OCLN: variants seen among roughly 807,000 people sequenced by gnomAD.
OCLN encodes phosphatase 1, regulatory subunit 115.
A neutral mutation model predicts 47.9 loss-of-function variants in OCLN; 21 were observed. The observed-to-expected ratio is 0.44, with a 90% CI of 0.31 to 0.63. The LOEUF is 0.63. Ranked by LOEUF, OCLN falls within the 30% of genes least tolerant of loss-of-function variation. The pLI is 0.08. For missense variants in OCLN, 360 were observed against 571.0 expected (o/e 0.63, Z 3.77); for synonymous variants, 117 against 198.4 (o/e 0.59, Z 3.45).
At chr5:69,498,174 C>G (rs957304975) in intron 1 of OCLN, among the ~76,000 whole-genome samples, 2 of 151,980 alleles carry the variant, frequency 1.3e-5, no homozygotes, top group African/African-American at 4.8e-5. Context: ...CTCCTCTATA[C>G]TGTACTATGG....
chr5:69,515,226 G>A (rs1332778029), intron 4 of OCLN, among the ~76,000 whole-genome samples: 8 of 146,888 alleles, frequency 5.4e-5, no homozygotes, highest in Non-Finnish European at 1.1e-4. Context: ...CAGTAGGGGC[G>A]GCCGGGCAGA....
chr5:69,533,415 A>G (rs562804045), intron 4 of OCLN, among the ~76,000 whole-genome samples: 7 of 152,280 alleles, frequency 4.6e-5, no homozygotes, highest in South Asian at 4.1e-4. Flanking sequence ...AAAGTTGTTC[A>G]TCAGGAATTC....
rs1768193895 is a variant in OCLN, at chr5:69,493,280, A to G, written c.-69+380A>G. On this transcript the variant is annotated intron_variant, in intron 1 of 8. Transcript: ENST00000396442. The surrounding 1 kb of genome is among the most constrained non-coding windows in gnomAD (Gnocchi z 5.3). The stretch of plus-strand genomic sequence containing the variant: ...GCTGCAGTTTGGGGGGGCGGCCTTC[A>G]TGGAGAGGGATCCTGCGCCCAGCTC... Among the ~76,000 whole-genome samples the G allele has an allele frequency of 6.6e-6, 1 of 151,806 alleles. No individual in the cohort carries two copies. The highest frequency in any genetic ancestry group is 1.5e-5 in the Non-Finnish European group (1 of 67,936).
chr5:69,549,959 C>T (rs2112092274), intron 7 of OCLN, among the ~76,000 whole-genome samples: 1 of 149,160 alleles, frequency 6.7e-6, no homozygotes, highest in Middle Eastern at 3.5e-3. Flanking sequence ...CTGCTTATTT[C>T]TGGCTTTTCT....
At chr5:69,499,992 G>A (rs1449518517) in intron 1 of OCLN, among the ~76,000 whole-genome samples, 2 of 152,196 alleles carry the variant, frequency 1.3e-5, no homozygotes, top group Non-Finnish European at 2.9e-5. Context: ...AGTAAATGGG[G>A]GCTGTTAAAA....
chr5:69,524,791 A>G (rs1386631395), intron 4 of OCLN, among the ~76,000 whole-genome samples: 1 of 152,114 alleles, frequency 6.6e-6, no homozygotes, highest in African/African-American at 2.4e-5. Context: ...GGTTCAAGCA[A>G]TTTTCCCACT....
intron 4 of OCLN, among the ~76,000 whole-genome samples, chr5:69,514,346 C>T (rs1477263406): frequency 2.6e-5 from 4 of 151,984 alleles, no homozygotes; most frequent in Admixed American, 6.6e-5. Context: ...AAAGAAATGG[C>T]TTCTAAAAAA....
chr5:69,522,067 C>T (rs1252023540), intron 4 of OCLN, among the ~76,000 whole-genome samples: 1 of 152,112 alleles, frequency 6.6e-6, no homozygotes, highest in Non-Finnish European at 1.5e-5. Flanking sequence ...AACTCCTGGC[C>T]TCAAGTGATC....
chr5:69,494,428 C>G (rs140472933), intron 1 of OCLN, among the ~76,000 whole-genome samples: 1 of 152,222 alleles, frequency 6.6e-6, no homozygotes, highest in Non-Finnish European at 1.5e-5. Context: ...TCAGGTGATT[C>G]GCCCGCCTTG....
intron 2 of OCLN, among the ~76,000 whole-genome samples, chr5:69,508,130 G>A (rs918618071): frequency 6.6e-6 from 1 of 151,926 alleles, no homozygotes; most frequent in African/African-American, 2.4e-5. Context: ...CTGCCTCCTG[G>A]GTTCAAGGGA....
Position 69,493,106 on chromosome 5 carries a change from T to C in OCLN, c.-69+206T>C, listed in dbSNP as rs1768186613. Among the ~76,000 whole-genome samples, 1 of 152,120 alleles carries C rather than the reference T, an allele frequency of 6.6e-6. No homozygotes were observed. The highest frequency in any genetic ancestry group is 1.5e-5 in the Non-Finnish European group (1 of 68,010). On this transcript the variant is annotated intron_variant, in intron 1 of 8. Transcript: ENST00000396442. This position sits in a 1 kb window ranked among gnomAD's most constrained non-coding sequence, Gnocchi z 5.3. Reference sequence around the variant, plus strand: ...GCACCGGCCAACTTGGGAGGCTGCCTCCTGGGGCGAGGGGTGGCTTGGAGC... The same window carrying C: ...GCACCGGCCAACTTGGGAGGCTGCCCCCTGGGGCGAGGGGTGGCTTGGAGC...
chr5:69,496,596 G>A (rs1768301032), intron 1 of OCLN, among the ~76,000 whole-genome samples: 1 of 139,612 alleles, frequency 7.2e-6, no homozygotes, highest in East Asian at 2.1e-4. Context: ...ATAGATAACG[G>A]AGTCTTACTC....
At chr5:69,517,808 T>C (rs1470241157) in intron 4 of OCLN, among the ~76,000 whole-genome samples, 1 of 152,096 alleles carries the variant, frequency 6.6e-6, no homozygotes. Flanking sequence ...TTCCCTCACT[T>C]TAAAGTGTGA....
Position 69,558,089 on chromosome 5 carries a change from A to G in OCLN, c.*4418A>G, listed in dbSNP as rs1474034673. ...CTAAAATCTATACAGAACAAATATT[A>G]CAGTTGGGAAAACTGTTTCAGTCTC... On this transcript the variant is annotated 3_prime_UTR_variant, in exon 9 of 9. Coordinates refer to ENST00000396442, the MANE Select transcript of OCLN (RefSeq NM_001205254.2). 2.0e-5 allele frequency: 3 copies of G among 152,124 alleles called. No individual in the cohort carries two copies. Among genetic ancestry groups the G allele is most frequent in the Non-Finnish European group, 4.4e-5 (3 of 68,012 alleles). 9.4% of individuals were successfully genotyped at this position (152,124 alleles called of 1,614,324 possible).
chr5:69,517,939 G>A (rs988220100), intron 4 of OCLN, among the ~76,000 whole-genome samples: 4 of 152,136 alleles, frequency 2.6e-5, no homozygotes, highest in Admixed American at 6.5e-5. Context: ...TTCTGGGTGT[G>A]TTAGTTTTCG....
chr5:69,514,666 C>T (rs1268824198), intron 4 of OCLN, among the ~76,000 whole-genome samples: 1 of 152,070 alleles, frequency 6.6e-6, no homozygotes, highest in Non-Finnish European at 1.5e-5. Flanking sequence ...GCAGAGGACC[C>T]TGCGGCCTTC....
Position 69,514,246 on chromosome 5 carries a change from A to G in OCLN, c.891+137A>G, listed in dbSNP as rs191049810. 2.3e-5 allele frequency: 18 copies of G among 780,868 alleles called. No homozygotes were observed. The East Asian group carries it at 3.5e-4, about 15-fold the overall frequency. The allele number at this position is 780,868 out of a possible 1,614,324, so 48.4% of individuals were successfully genotyped here. A position where few individuals can be genotyped will look rare whatever the true frequency, so the allele number is the denominator to read the frequency against. On this transcript the variant is annotated intron_variant, in intron 4 of 8. Coordinates refer to ENST00000396442, the MANE Select transcript of OCLN (RefSeq NM_001205254.2). ...AAGGTTGTTGCATTGGTTTTTACTC[A>G]GAATTTTAAGAGGATGGGCTAAGTG...
chr5:69,533,902 C>T (rs1277183435), intron 4 of OCLN, among the ~76,000 whole-genome samples: 1 of 152,170 alleles, frequency 6.6e-6, no homozygotes, highest in Non-Finnish European at 1.5e-5. Flanking sequence ...CCTCATGATC[C>T]ACCCGCCTCA....
At chr5:69,515,565 G>C (rs1420927371) in intron 4 of OCLN, among the ~76,000 whole-genome samples, 2 of 140,560 alleles carry the variant, frequency 1.4e-5, no homozygotes, top group African/African-American at 2.7e-5. Flanking sequence ...TCCCGGACGG[G>C]GCGGCTGGCC....
Sources: allele counts gnomAD v4.1 joint callset (sites outside exome capture counted in the v4.1 genomes callset), GRCh38; gene constraint gnomAD v4.1.1; non-coding constraint Gnocchi (gnomAD v3.1); transcripts MANE v1.5; gene names NCBI Gene and HGNC (gene_info 2026-07-23, HGNC 2026-07-21).